DNAAF4: variants seen among roughly 807,000 people sequenced by gnomAD.
DNAAF4 encodes dynein axonemal assembly factor 4.
DNAAF4 carries 43 observed loss-of-function variants against 51.8 expected under a neutral mutation model. The observed-to-expected ratio is 0.83, with a 90% confidence interval of 0.65 to 1.07. The LOEUF is 1.07. DNAAF4 is among the 50% of genes least tolerant of loss of function. The probability of loss-of-function intolerance (pLI) is 0.00; values close to 1 mark genes in which losing one functional copy is unlikely to be tolerated. For synonymous variants in DNAAF4, 194 were observed against 165.6 expected (o/e 1.17, Z -1.32); for missense variants, 581 against 493.0 (o/e 1.18, Z -1.69).
chr15:55,445,200 G>A (rs1387660130), intron 6 of DNAAF4, among the ~76,000 whole-genome samples: 3 of 151,944 alleles, frequency 2.0e-5, no homozygotes, highest in Non-Finnish European at 4.4e-5. Flanking sequence ...CTTCCACAGT[G>A]TTTGTGTCCC....
intron 8 of DNAAF4, among the ~76,000 whole-genome samples, chr15:55,433,941 A>ATAATAT (rs74214340): frequency 0.81 from 26,982 of 33,124 alleles, 11,561 homozygotes; most frequent in East Asian, 0.99. Context: ...TATAAAATAT[A>ATAATAT]TATAATATAT....
At chr15:55,431,516 C>T (rs1248776855) in intron 9 of DNAAF4, among the ~76,000 whole-genome samples, 1 of 150,502 alleles carries the variant, frequency 6.6e-6, no homozygotes, top group East Asian at 1.9e-4. Context: ...GCTCTGTCAC[C>T]CAGGCTGTAG....
chr15:55,452,189 A>C (rs1024948944), intron 5 of DNAAF4, among the ~76,000 whole-genome samples: 1 of 132,494 alleles, frequency 7.5e-6, no homozygotes, highest in African/African-American at 2.7e-5. Flanking sequence ...CAGAGGCTGC[A>C]GTGAGCCAAG....
chr15:55,445,962 CGGCCG>C (rs2057797534), intron 6 of DNAAF4, among the ~76,000 whole-genome samples: 1 of 124,824 alleles, frequency 8.0e-6, no homozygotes. Flanking sequence ...CCAGACGGGG[CGGCCG>C]GGCAGAGGCG....
intron 1 of DNAAF4, among the ~76,000 whole-genome samples, chr15:55,502,307 T>C (rs984745665): frequency 6.6e-6 from 1 of 152,166 alleles, no homozygotes; most frequent in African/African-American, 2.4e-5. Flanking sequence ...GTTCAGGACA[T>C]GCTACCCCAA....
At chr15:55,439,893 G>T (rs2057680077) in intron 6 of DNAAF4, among the ~76,000 whole-genome samples, 1 of 152,130 alleles carries the variant, frequency 6.6e-6, no homozygotes, top group South Asian at 2.1e-4. Flanking sequence ...GAGAAAGTGG[G>T]TGTCCGCAAG....
At chr15:55,444,494 T>C (rs2057765015) in intron 6 of DNAAF4, among the ~76,000 whole-genome samples, 1 of 152,208 alleles carries the variant, frequency 6.6e-6, no homozygotes, top group South Asian at 2.1e-4. Flanking sequence ...TCCAGCTTTG[T>C]TCTTTTGGCT....
intron 5 of DNAAF4, among the ~76,000 whole-genome samples, chr15:55,463,108 AG>A (rs1567018327): frequency 6.6e-6 from 1 of 151,798 alleles, no homozygotes; most frequent in Non-Finnish European, 1.5e-5. Context: ...TGGGAGGCAG[AG>A]GTTGCAGTGA....
intron 4 of DNAAF4, among the ~76,000 whole-genome samples, chr15:55,490,224 G>A (rs963080110): frequency 6.6e-6 from 1 of 151,826 alleles, no homozygotes; most frequent in Non-Finnish European, 1.5e-5. Flanking sequence ...TATCTATTGA[G>A]ACAGAAAATA....
At position 55,498,477 on chromosome 15, in the gene DNAAF4, C is replaced by T; in HGVS notation, c.-148G>A. ...CCAGCGTGCTCCGGCGCCAGCACCTCGCGGACTCCATGCGTGACTATCCAG... is the reference window on the plus strand; with the variant it reads ...CCAGCGTGCTCCGGCGCCAGCACCTTGCGGACTCCATGCGTGACTATCCAG... On this transcript the variant is annotated 5_prime_UTR_variant, in exon 2 of 10. Coordinates refer to ENST00000321149, the MANE Select transcript of DNAAF4 (RefSeq NM_130810.4). 8.2e-7 allele frequency: 1 copy of T among 1,217,868 alleles called. No individual in the cohort carries two copies. The allele number at this position is 1,217,868 out of a possible 1,614,324, so 75.4% of individuals were successfully genotyped here. A position where few individuals can be genotyped will look rare whatever the true frequency, so the allele number is the denominator to read the frequency against.
downstream of DNAAF4, among the ~76,000 whole-genome samples, chr15:55,427,501 C>G (rs575233487): frequency 6.6e-6 from 1 of 151,980 alleles, no homozygotes; most frequent in South Asian, 2.1e-4. Context: ...GGGGGGGCCA[C>G]AAGATTAGAT....
chr15:55,486,499 TGCTTCTTTACCAA>T (rs2141572681), intron 4 of DNAAF4, among the ~76,000 whole-genome samples: 1 of 152,272 alleles, frequency 6.6e-6, no homozygotes, highest in Non-Finnish European at 1.5e-5. Flanking sequence ...CAGATGACCC[TGCTTCTTTACCAA>T]GCAAAGTAAA....
At chr15:55,471,136 C>T (rs973983083) in intron 4 of DNAAF4, among the ~76,000 whole-genome samples, 2 of 152,306 alleles carry the variant, frequency 1.3e-5, no homozygotes, top group South Asian at 2.1e-4. Context: ...GCTGGAATTA[C>T]AGGCGTAAGC....
chr15:55,502,131 A>G (rs2058702906), intron 1 of DNAAF4, among the ~76,000 whole-genome samples: 1 of 152,142 alleles, frequency 6.6e-6, no homozygotes, highest in South Asian at 2.1e-4. Flanking sequence ...AGCCAGAGAC[A>G]CAGGGACATT....
chr15:55,433,784 CAAAT>C (rs945395658), intron 8 of DNAAF4, among the ~76,000 whole-genome samples: 2 of 97,390 alleles, frequency 2.1e-5, no homozygotes, highest in Non-Finnish European at 3.8e-5. Flanking sequence ...TTTTATAAAA[CAAAT>C]ATATATATTT....
intron 4 of DNAAF4, among the ~76,000 whole-genome samples, chr15:55,487,746 G>C (rs2058512962): frequency 6.6e-6 from 1 of 152,036 alleles, no homozygotes; most frequent in Non-Finnish European, 1.5e-5. Context: ...GTGAGACCAA[G>C]AACCCACCAG....
chr15:55,505,685 G>T (rs1480775642), intron 1 of DNAAF4, among the ~76,000 whole-genome samples: 1 of 151,676 alleles, frequency 6.6e-6, no homozygotes, highest in Non-Finnish European at 1.5e-5. Flanking sequence ...CAAACACCAC[G>T]TGTTCTCACT....
chr15:55,467,188 T>C, intron 4 of DNAAF4, 27 bp from the exon 5 acceptor site: 1 of 1,463,120 alleles, frequency 6.8e-7, no homozygotes, highest in Non-Finnish European at 9.3e-7. Context: ...TACCAAATTC[T>C]TTAAAATACA....
chr15:55,435,444 A>G (rs1264553324), intron 7 of DNAAF4, among the ~76,000 whole-genome samples: 2 of 152,196 alleles, frequency 1.3e-5, no homozygotes, highest in South Asian at 4.1e-4. Flanking sequence ...TAAGTGAAGA[A>G]GTCACATAGC....
Sources: allele counts gnomAD v4.1 joint callset (sites outside exome capture counted in the v4.1 genomes callset), GRCh38; gene constraint gnomAD v4.1.1; transcripts MANE v1.5; gene names NCBI Gene and HGNC (gene_info 2026-07-23, HGNC 2026-07-21).